The following ANO10 variants were observed in gnomAD, a reference collection of about 807,000 sequenced individuals.
ANO10 encodes the protein anoctamin 10.
ANO10 carries 77 observed loss-of-function variants against 74.7 expected under a neutral mutation model. The observed-to-expected ratio is 1.03, with a 90% CI of 0.86 to 1.25. ANO10 has a LOEUF of 1.25. Among genes scored for constraint, ANO10 ranks in the 50% most tolerant of loss-of-function variants. The pLI is 0.00. For missense variants in ANO10, 721 were observed against 778.1 expected (o/e 0.93, Z 0.87); for synonymous variants, 279 against 284.9 (o/e 0.98, Z 0.21).
intron 11 of ANO10, among the ~76,000 whole-genome samples, chr3:43,507,994 GAAAT>G (rs1275192139): frequency 6.6e-6 from 1 of 151,970 alleles, no homozygotes; most frequent in African/African-American, 2.4e-5. Context: ...TAAGAACACT[GAAAT>G]AAAGTATAAT....
intron 12 of ANO10, among the ~76,000 whole-genome samples, chr3:43,412,764 G>A (rs1036982099): frequency 2.0e-5 from 3 of 152,118 alleles, no homozygotes; most frequent in African/African-American, 7.2e-5. Flanking sequence ...AAACAATCTC[G>A]ATGTGGCTGG....
At chr3:43,616,061 G>A (rs2083086615) in intron 1 of ANO10, among the ~76,000 whole-genome samples, 2 of 152,158 alleles carry the variant, frequency 1.3e-5, no homozygotes, top group African/African-American at 4.8e-5. Flanking sequence ...AATGTGGTTT[G>A]TTCTGAGGAA....
chr3:43,549,275 A>G (rs1267447948), intron 11 of ANO10, among the ~76,000 whole-genome samples: 1 of 125,254 alleles, frequency 8.0e-6, no homozygotes. Flanking sequence ...ACCAAATTAC[A>G]TCAGGTACCA....
chr3:43,691,158 T>G, intron 1 of ANO10: 5 of 1,038,026 alleles, frequency 4.8e-6, no homozygotes, highest in Non-Finnish European at 6.3e-6. Context: ...GACGGGCGGC[T>G]TCCTCGACCC....
At chr3:43,605,588 A>G in intron 2 of ANO10, 126 bp downstream of exon 2, 1 of 1,301,774 alleles carries the variant, frequency 7.7e-7, no homozygotes, top group South Asian at 1.3e-5. Flanking sequence ...AGTAAATAAA[A>G]TATATCAACG....
At chr3:43,572,834 T>C (rs950550074) in intron 7 of ANO10, among the ~76,000 whole-genome samples, 3 of 152,022 alleles carry the variant, frequency 2.0e-5, no homozygotes, top group Non-Finnish European at 1.5e-5. Flanking sequence ...TTCTAGAAAG[T>C]GAGCAGTAAG....
At chr3:43,688,359 G>A (rs2084302025) in intron 1 of ANO10, among the ~76,000 whole-genome samples, 1 of 152,050 alleles carries the variant, frequency 6.6e-6, no homozygotes. Flanking sequence ...GGGATTGTAG[G>A]GCATCAGTTT....
intron 12 of ANO10, chr3:43,372,877 T>C (rs1327866344): frequency 2.0e-6 from 3 of 1,533,532 alleles, no homozygotes; most frequent in Non-Finnish European, 2.6e-6. Context: ...AATTCTAATT[T>C]AGCCAGTAAC....
intron 12 of ANO10, among the ~76,000 whole-genome samples, chr3:43,372,503 C>T (rs536081024): frequency 3.0e-4 from 45 of 152,328 alleles, no homozygotes; most frequent in Admixed American, 2.8e-3. Context: ...CTTGGTTCTG[C>T]TCCAGCCACC....
chr3:43,458,637 C>T (rs1262356325), intron 11 of ANO10, among the ~76,000 whole-genome samples: 9 of 152,096 alleles, frequency 5.9e-5, no homozygotes, highest in Non-Finnish European at 1.0e-4. Context: ...AGGCTTAAAC[C>T]GACTTCTTTT....
At chr3:43,555,684 A>C (rs2079713008) in intron 9 of ANO10, among the ~76,000 whole-genome samples, 1 of 152,226 alleles carries the variant, frequency 6.6e-6, no homozygotes. Flanking sequence ...AGTATTCATC[A>C]CAATATTTTA....
chr3:43,565,949 A>G (rs1466032779), intron 7 of ANO10, among the ~76,000 whole-genome samples: 1 of 152,152 alleles, frequency 6.6e-6, no homozygotes, highest in Non-Finnish European at 1.5e-5. Flanking sequence ...AGGGAGTGCC[A>G]GACAGTGGAC....
At chr3:43,522,451 T>C (rs557460419) in intron 11 of ANO10, among the ~76,000 whole-genome samples, 2 of 152,340 alleles carry the variant, frequency 1.3e-5, no homozygotes, top group East Asian at 1.9e-4. Context: ...TCATTGCATA[T>C]ATAGCACAAG....
intron 10 of ANO10, among the ~76,000 whole-genome samples, chr3:43,553,783 C>T (rs550382078): frequency 4.6e-5 from 7 of 152,268 alleles, no homozygotes; most frequent in African/African-American, 1.2e-4. Context: ...GATCTGCCTG[C>T]CTTGGCCTCC....
At position 43,449,847 on chromosome 3, in the gene ANO10, T is replaced by C. The variant is rs1190374132; in HGVS notation, c.1798-17120A>G. ...TAACTTGCTTGGATTTTGATGGAGA[T>C]TGTGTTCAATGTACACATCAAGTTG... On this transcript the variant is annotated intron_variant, in intron 11 of 12. Transcript: ENST00000292246. Among the ~76,000 whole-genome samples the C allele has an allele frequency of 5.9e-5, 9 of 152,266 alleles. No individual in the cohort carries two copies. The East Asian group carries it at 1.7e-3, about 29-fold the overall frequency.
chr3:43,437,798 T>C (rs1164034342), intron 11 of ANO10, among the ~76,000 whole-genome samples: 1 of 151,490 alleles, frequency 6.6e-6, no homozygotes, highest in Non-Finnish European at 1.5e-5. Flanking sequence ...ATAAAGCTAG[T>C]CTGTAATGAC....
At chr3:43,470,440 G>A (rs537773455) in intron 11 of ANO10, among the ~76,000 whole-genome samples, 4 of 151,782 alleles carry the variant, frequency 2.6e-5, no homozygotes, top group South Asian at 2.1e-4. Context: ...TGCAAGCTCC[G>A]CCTCCGGGGT....
Position 43,502,658 on chromosome 3 carries a change from A to G in ANO10, c.1797+47062T>C, listed in dbSNP as rs370983335. Among the ~76,000 whole-genome samples the G allele has an allele frequency of 8.5e-5, 13 of 152,284 alleles. 1 individual carries two copies. The highest frequency in any genetic ancestry group is 7.7e-4 in the East Asian group (4 of 5,172). The stretch of plus-strand genomic sequence containing the variant: ...TTTTATAACAACACAAATGAAGTAA[A>G]GCAACAGCTAAAAAGTGGATGCATC... On this transcript the variant is annotated intron_variant, in intron 11 of 12. Coordinates refer to ENST00000292246, the MANE Select transcript of ANO10 (RefSeq NM_018075.5).
intron 1 of ANO10, among the ~76,000 whole-genome samples, chr3:43,682,303 C>T (rs1056331923): frequency 1.3e-5 from 2 of 152,008 alleles, no homozygotes; most frequent in South Asian, 4.1e-4. Flanking sequence ...TATAAACACC[C>T]GTATGCAAAT....
Sources: allele counts gnomAD v4.1 joint callset (sites outside exome capture counted in the v4.1 genomes callset), GRCh38; gene constraint gnomAD v4.1.1; transcripts MANE v1.5; gene names NCBI Gene and HGNC (gene_info 2026-07-23, HGNC 2026-07-21).